NFIA: variants seen among roughly 807,000 people sequenced by gnomAD.
The protein encoded by NFIA is nuclear factor I A, also known as nuclear factor 1 A-type.
NFIA carries 8 observed loss-of-function variants against 62.8 expected under a neutral mutation model. The ratio of observed to expected loss-of-function variants is 0.13; its 90% CI spans 0.07 to 0.23. The LOEUF (loss-of-function observed/expected upper bound fraction) is 0.23. Ranked by LOEUF, NFIA falls within the 10% of genes least tolerant of loss-of-function variation. The pLI, the probability that NFIA is intolerant of heterozygous loss-of-function variation, is 1.00. For missense variants in NFIA, 410 were observed against 642.1 expected (o/e 0.64, Z 3.91); for synonymous variants, 235 against 238.1 (o/e 0.99, Z 0.12).
chr1:61,349,245 G>GA (rs537263545), intron 4 of NFIA, among the ~76,000 whole-genome samples: 521 of 151,968 alleles, frequency 3.4e-3, no homozygotes, highest in Middle Eastern at 0.02. Flanking sequence ...TTTTTTAAAC[G>GA]AAAGGCCCTT....
intron 2 of NFIA, among the ~76,000 whole-genome samples, chr1:61,212,602 C>T (rs911399111): frequency 2.0e-5 from 3 of 152,134 alleles, no homozygotes; most frequent in Admixed American, 6.5e-5. Flanking sequence ...TGTAAAACAT[C>T]GTTTTTACTA....
chr1:61,404,355 T>G, intron 8 of NFIA, 73 bp downstream of exon 8: 1 of 1,404,788 alleles, frequency 7.1e-7, no homozygotes, highest in Non-Finnish European at 9.6e-7. Flanking sequence ...GGAGACCTTA[T>G]GATCATGTGA....
At position 61,121,371 on chromosome 1, in the gene NFIA, T is replaced by C. The variant is rs1646883828; in HGVS notation, c.559+32691T>C. Among the ~76,000 whole-genome samples the C allele has an allele frequency of 2.6e-5, 4 of 152,160 alleles. No homozygotes were observed. In the South Asian group the frequency reaches 8.3e-4, roughly 32 times the overall value. On this transcript the variant is annotated intron_variant, in intron 2 of 10. Coordinates refer to ENST00000403491, the MANE Select transcript of NFIA (RefSeq NM_001134673.4). ...CGGAATGTAAAAGTATGCTGTATTATCACAAACTGACCCTCCTCCTCCCCA... is the reference window on the plus strand; with the variant it reads ...CGGAATGTAAAAGTATGCTGTATTACCACAAACTGACCCTCCTCCTCCCCA...
chr1:61,386,550 A>G (rs149709814), intron 7 of NFIA, among the ~76,000 whole-genome samples: 8 of 152,324 alleles, frequency 5.3e-5, no homozygotes, highest in African/African-American at 1.9e-4. Context: ...TTAGTAAGCA[A>G]TAACTGTCCA....
At chr1:61,196,898 AGTGTGTGTGTGTGTGTGTGTGTGT>A (rs3030264) in intron 2 of NFIA, among the ~76,000 whole-genome samples, 1,546 of 148,550 alleles carry the variant, frequency 0.01, 28 homozygotes, top group African/African-American at 0.036. Context: ...ACCTTAAAGG[AGTGTGTGTGTGTGTGTGTGTGTGT>A]GTGTGTGTGT....
intron 3 of NFIA, among the ~76,000 whole-genome samples, chr1:61,313,473 A>G (rs1660216920): frequency 6.6e-6 from 1 of 152,156 alleles, no homozygotes; most frequent in Non-Finnish European, 1.5e-5. Flanking sequence ...GCAAGAACTC[A>G]CTATCCTGAG....
chr1:61,256,552 G>T (rs943834215), intron 2 of NFIA, among the ~76,000 whole-genome samples: 1 of 152,060 alleles, frequency 6.6e-6, no homozygotes, highest in Non-Finnish European at 1.5e-5. Context: ...TGGGTTGGAC[G>T]AGCTTGGTTT....
intron 2 of NFIA, among the ~76,000 whole-genome samples, chr1:61,235,463 A>AAATAAAT (rs1654937930): frequency 2.5e-5 from 3 of 121,528 alleles, no homozygotes; most frequent in African/African-American, 1.1e-4. Flanking sequence ...ACTCCATCTC[A>AAATAAAT]AAATAAATAA....
intron 2 of NFIA, among the ~76,000 whole-genome samples, chr1:61,158,845 G>C (rs1022683201): frequency 9.2e-5 from 14 of 152,166 alleles, no homozygotes; most frequent in African/African-American, 3.4e-4. Context: ...GTTGTGAGGA[G>C]CCATGCATTT....
chr1:61,392,004 T>C (rs1338363028), intron 7 of NFIA, among the ~76,000 whole-genome samples: 1 of 152,186 alleles, frequency 6.6e-6, no homozygotes, highest in Non-Finnish European at 1.5e-5. Context: ...GAGCAAACAT[T>C]ACGTTGCCTT....
At chr1:61,375,965 A>G (rs185028325) in intron 6 of NFIA, among the ~76,000 whole-genome samples, 467 of 152,240 alleles carry the variant, frequency 3.1e-3, no homozygotes, top group Non-Finnish European at 4.9e-3. Context: ...ACTTTTCAAG[A>G]CTGTCAGAAA....
chr1:61,180,405 G>T (rs1570325201), intron 2 of NFIA, among the ~76,000 whole-genome samples: 1 of 152,264 alleles, frequency 6.6e-6, no homozygotes, highest in East Asian at 1.9e-4. Context: ...TCCTCTTTGG[G>T]TTTTGAAGTA....
chr1:61,453,385 T>C (rs1366151436), intron 10 of NFIA, among the ~76,000 whole-genome samples: 1 of 150,898 alleles, frequency 6.6e-6, no homozygotes, highest in Non-Finnish European at 1.5e-5. Flanking sequence ...ATTACAGAGC[T>C]GCTCTGGGGT....
intron 2 of NFIA, among the ~76,000 whole-genome samples, chr1:61,271,951 CT>C (rs1296143748): frequency 6.6e-6 from 1 of 152,172 alleles, no homozygotes; most frequent in African/African-American, 2.4e-5. Context: ...CTCACCTCAT[CT>C]TTTATCTGTT....
At chr1:61,377,766 A>G (rs1664221716) in intron 6 of NFIA, among the ~76,000 whole-genome samples, 1 of 152,228 alleles carries the variant, frequency 6.6e-6, no homozygotes, top group Non-Finnish European at 1.5e-5. Context: ...TGCGACAGAC[A>G]AGATAAGGTC....
At chr1:61,386,944 T>G (rs1325927273) in intron 7 of NFIA, among the ~76,000 whole-genome samples, 1 of 152,192 alleles carries the variant, frequency 6.6e-6, no homozygotes. Context: ...TGGCATCTTC[T>G]TGCTGTGTCC....
At chr1:61,085,568 C>CT (rs948425994) in intron 1 of NFIA, among the ~76,000 whole-genome samples, 419 of 146,466 alleles carry the variant, frequency 2.9e-3, no homozygotes, top group Admixed American at 4.6e-3. Flanking sequence ...GGGCACACTA[C>CT]TTTTTTTTTT....
upstream of NFIA, chr1:61,081,670 C>G (rs781254105): frequency 9.8e-6 from 5 of 510,534 alleles, no homozygotes; most frequent in Non-Finnish European, 1.8e-5. Context: ...AGGGATAACG[C>G]TCATTAATCT....
chr1:61,343,018 A>G (rs1223690957), intron 4 of NFIA, among the ~76,000 whole-genome samples: 4 of 152,258 alleles, frequency 2.6e-5, no homozygotes, highest in African/African-American at 9.6e-5. Context: ...TAAATGCTCA[A>G]TAAATATTAG....
Sources: gnomAD v4.1 joint callset for allele counts (sites outside exome capture counted in the v4.1 genomes callset) on GRCh38, gnomAD v4.1.1 for gene constraint, MANE v1.5 for transcripts, NCBI Gene and HGNC (gene_info 2026-07-23, HGNC 2026-07-21) for gene names.